The following LCOR variants were observed in gnomAD, a reference collection of about 807,000 sequenced individuals.
LCOR encodes the protein ligand dependent nuclear receptor corepressor, also known as ligand-dependent corepressor.
A neutral mutation model predicts 64.4 loss-of-function variants in LCOR; 14 were observed. The observed-to-expected ratio is 0.22, with a 90% CI of 0.14 to 0.34. LCOR has a LOEUF of 0.34. LCOR is among the 10% of genes least tolerant of loss of function. The probability of loss-of-function intolerance (pLI) is 1.00; values close to 1 mark genes in which losing one functional copy is unlikely to be tolerated. For missense variants in LCOR, 1,686 were observed against 1,765.3 expected (o/e 0.96, Z 0.80); for synonymous variants, 643 against 642.5 (o/e 1.00, Z -0.01).
chr10:96,978,523 A>G (rs1044363536), intron 7 of LCOR, among the ~76,000 whole-genome samples: 18 of 152,136 alleles, frequency 1.2e-4, no homozygotes, highest in African/African-American at 4.1e-4. Context: ...TTCTATAATA[A>G]TATTTTTTCC....
chr10:96,979,436 G>T (rs1848063915), intron 7 of LCOR, among the ~76,000 whole-genome samples: 2 of 152,208 alleles, frequency 1.3e-5, no homozygotes, highest in Non-Finnish European at 2.9e-5. Context: ...AGCAGGTATT[G>T]CCTGTGGCAT....
intron 4 of LCOR, among the ~76,000 whole-genome samples, chr10:96,913,551 A>G (rs1053866528): frequency 8.5e-5 from 13 of 152,228 alleles, no homozygotes; most frequent in Non-Finnish European, 1.5e-5. Context: ...AAAATATAAA[A>G]TTAGTTTATG....
At chr10:96,942,250 G>A (rs1259563175) in intron 4 of LCOR, among the ~76,000 whole-genome samples, 1 of 150,976 alleles carries the variant, frequency 6.6e-6, no homozygotes, top group Non-Finnish European at 1.5e-5. Context: ...GACCAGCCCG[G>A]CCAACACAGC....
chr10:96,862,334 C>CAT (rs1408694109), intron 2 of LCOR, among the ~76,000 whole-genome samples: 5 of 152,150 alleles, frequency 3.3e-5, no homozygotes, highest in Admixed American at 6.5e-5. Context: ...AGTGCTGTGG[C>CAT]ATAACCTTGG....
At chr10:96,869,569 CTT>C (rs1267246069) in intron 2 of LCOR, among the ~76,000 whole-genome samples, 4 of 134,070 alleles carry the variant, frequency 3.0e-5, no homozygotes. Flanking sequence ...TTGGTTCTTT[CTT>C]TTTTTTTTTT....
intron 4 of LCOR, among the ~76,000 whole-genome samples, chr10:96,929,043 T>C (rs1847213930): frequency 6.6e-6 from 1 of 152,224 alleles, no homozygotes; most frequent in Non-Finnish European, 1.5e-5. Context: ...GCTTTGTTGT[T>C]CTGTTTATAG....
At chr10:96,946,331 A>G (rs1847589368) in intron 5 of LCOR, among the ~76,000 whole-genome samples, 1 of 152,104 alleles carries the variant, frequency 6.6e-6, no homozygotes, top group African/African-American at 2.4e-5. Context: ...GTTTTAAATA[A>G]TTTGTGTAAG....
intron 7 of LCOR, chr10:96,957,793 G>A (rs1847809405): frequency 4.1e-6 from 4 of 985,410 alleles, no homozygotes; most frequent in South Asian, 4.7e-5. Flanking sequence ...GCTCATTCTT[G>A]ACATAGCTTG....
intron 2 of LCOR, among the ~76,000 whole-genome samples, chr10:96,860,496 G>A (rs1416640312): frequency 6.6e-6 from 1 of 152,192 alleles, no homozygotes; most frequent in Non-Finnish European, 1.5e-5. Flanking sequence ...AGCCTTTGGA[G>A]GGAGCATGGC....
At chr10:96,908,536 A>G (rs1846769396) in intron 4 of LCOR, among the ~76,000 whole-genome samples, 1 of 152,216 alleles carries the variant, frequency 6.6e-6, no homozygotes, top group African/African-American at 2.4e-5. Context: ...TTTTAATTGT[A>G]TAAACTGGGT....
chr10:96,925,042 T>G (rs1194890365), intron 4 of LCOR, among the ~76,000 whole-genome samples: 1 of 151,682 alleles, frequency 6.6e-6, no homozygotes, highest in Non-Finnish European at 1.5e-5. Flanking sequence ...AACCATTTAT[T>G]TATTTATTTA....
At position 96,916,601 on chromosome 10, in the gene LCOR, A is replaced by G. The variant is rs1047497062; in HGVS notation, c.-184+8854A>G. 2.7e-5 allele frequency among the ~76,000 whole-genome samples: 4 copies of G among 148,968 alleles called. No homozygotes were observed. The Middle Eastern group carries it at 0.011, about 393-fold the overall frequency. On this transcript the variant is annotated intron_variant, in intron 4 of 7. Transcript: ENST00000421806. ...ATATTTAAAGGCTATATATATATAT[A>G]TATATCTATATATATGATTATTTAT...
At chr10:96,841,651 G>A (rs910004548) in intron 2 of LCOR, among the ~76,000 whole-genome samples, 18 of 151,696 alleles carry the variant, frequency 1.2e-4, no homozygotes, top group Non-Finnish European at 2.1e-4. Context: ...ATGAGCCACC[G>A]CGCCTGGCCA....
chr10:96,941,206 C>A (rs1448004345), intron 4 of LCOR, among the ~76,000 whole-genome samples: 1 of 142,658 alleles, frequency 7.0e-6, no homozygotes, highest in African/African-American at 2.7e-5. Flanking sequence ...CCCCACCTCC[C>A]TCCCGGACGG....
chr10:96,911,921 GCTTTT>G (rs1218943630), intron 4 of LCOR, among the ~76,000 whole-genome samples: 1 of 152,134 alleles, frequency 6.6e-6, no homozygotes, highest in East Asian at 1.9e-4. Flanking sequence ...TATTCATGAG[GCTTTT>G]CTTTTCTTTC....
intron 4 of LCOR, among the ~76,000 whole-genome samples, chr10:96,920,754 A>ATGTT (rs879519941): frequency 7.9e-5 from 10 of 127,310 alleles, no homozygotes; most frequent in African/African-American, 3.2e-4. Flanking sequence ...ATATGTATAC[A>ATGTT]CACACACACA....
intron 2 of LCOR, among the ~76,000 whole-genome samples, chr10:96,860,996 A>C (rs963965713): frequency 2.0e-5 from 3 of 152,230 alleles, no homozygotes; most frequent in African/African-American, 7.2e-5. Flanking sequence ...AAAAGTTAAT[A>C]ACTTGAACGA....
In LCOR at chr10:96,862,750, TG is replaced by T. The variant is rs1386945178; in HGVS notation, c.-330+29272del. Among the ~76,000 whole-genome samples, 3 of 152,308 alleles carry T rather than the reference TG, an allele frequency of 2.0e-5. No homozygotes were observed. The East Asian group carries it at 5.8e-4, about 29-fold the overall frequency. ...TTGCCAGCCCCCGTCAACTCATTGG[TG>T]TACAAAAAGACAACACTTTGTAGTC... On this transcript the variant is annotated intron_variant, in intron 2 of 7. Coordinates refer to ENST00000421806, the MANE Select transcript of LCOR (RefSeq NM_001346516.2).
intron 7 of LCOR, among the ~76,000 whole-genome samples, chr10:96,972,025 G>A (rs1240924546): frequency 6.6e-6 from 1 of 151,882 alleles, no homozygotes; most frequent in Non-Finnish European, 1.5e-5. Flanking sequence ...AGCCTTGAGT[G>A]TTTCTAGAGA....
Sources: gnomAD v4.1 joint callset for allele counts (sites outside exome capture counted in the v4.1 genomes callset) on GRCh38, gnomAD v4.1.1 for gene constraint, MANE v1.5 for transcripts, NCBI Gene and HGNC (gene_info 2026-07-23, HGNC 2026-07-21) for gene names.